The following IL20RA variants were observed in gnomAD, a reference collection of about 807,000 sequenced individuals.
The protein encoded by IL20RA is interleukin 20 receptor subunit alpha, also known as interleukin-20 receptor subunit alpha.
Under a neutral mutation model 36.5 loss-of-function variants are expected in IL20RA, and 29 were observed. The observed-to-expected ratio is 0.79, with a 90% CI of 0.59 to 1.08. The LOEUF is 1.08. IL20RA is among the 50% of genes least tolerant of loss of function. The pLI is 0.00. For missense variants in IL20RA, 652 were observed against 668.4 expected, an observed-to-expected ratio of 0.98 and a Z score of 0.27; for synonymous variants, 279 against 267.1, an observed-to-expected ratio of 1.04 and a Z score of -0.43.
chr6:137,023,069 G>T (rs1221856717), intron 1 of IL20RA, among the ~76,000 whole-genome samples: 1 of 152,194 alleles, frequency 6.6e-6, no homozygotes, highest in Non-Finnish European at 1.5e-5. Context: ...ATATCTTATG[G>T]TGAATAGACA....
chr6:137,025,121 CT>C (rs1452986608), intron 1 of IL20RA, among the ~76,000 whole-genome samples: 2 of 152,150 alleles, frequency 1.3e-5, no homozygotes, highest in Non-Finnish European at 2.9e-5. Flanking sequence ...GTTTATTTCC[CT>C]TTTATTATAT....
chr6:137,007,191 A>G lies in IL20RA; in HGVS notation c.724+1408T>C, dbSNP rs566517595. ...TGTTAGTAAAGAGAGCACTTCTCCC[A>G]AATACAAATGCGATTTCTTCAATAT... On this transcript the variant is annotated intron_variant, in intron 5 of 6. Coordinates refer to ENST00000316649, the MANE Select transcript of IL20RA (RefSeq NM_014432.4). Among the ~76,000 whole-genome samples, 4 of 152,360 alleles carry G rather than the reference A, an allele frequency of 2.6e-5. No homozygotes were observed. The East Asian group carries it at 7.7e-4, about 29-fold the overall frequency.
chr6:137,035,186 G>A (rs962021922), intron 1 of IL20RA, among the ~76,000 whole-genome samples: 1 of 152,170 alleles, frequency 6.6e-6, no homozygotes, highest in African/African-American at 2.4e-5. Flanking sequence ...TATGACTACT[G>A]ATTGAATTAA....
rs531337441 is a variant in IL20RA at position 137,028,286 on chromosome 6, C to T, written c.89-11183G>A. ...TACAAAAATTAGCTGGGCATGGTGGCGTGCCCCTGTAGTCCCAGCTACTTG... is the reference window on the plus strand; with the variant it reads ...TACAAAAATTAGCTGGGCATGGTGGTGTGCCCCTGTAGTCCCAGCTACTTG... On this transcript the variant is annotated intron_variant, in intron 1 of 6. Coordinates refer to ENST00000316649, the MANE Select transcript of IL20RA (RefSeq NM_014432.4). Among the ~76,000 whole-genome samples the T allele has an allele frequency of 7.9e-5, 12 of 152,132 alleles. No homozygotes were observed. The South Asian group carries it at 1.2e-3, about 16-fold the overall frequency.
Position 137,008,659 on chromosome 6 carries a change from C to T in IL20RA, c.664G>A (p.Val222Ile), listed in dbSNP as rs369006457. 3.0e-5 allele frequency: 48 copies of T among 1,608,316 alleles called. No individual in the cohort carries two copies. The highest frequency in any genetic ancestry group is 1.1e-4 in the East Asian group (5 of 44,668). ...TGAGCACGGCGAGGGGGCCCTGGGA[C>T]GAAGGACTCCACGTGTACGCAGTAA... Reference protein sequence around the residue: ...TLYCVHVESFVPGPPRRAQPS... With the variant: ...TLYCVHVESFIPGPPRRAQPS... The change falls in exon 5 of 7, where the codon GTC becomes ATC. Residue 222 changes from valine to isoleucine, a missense_variant. Transcript: ENST00000316649.
intron 1 of IL20RA, among the ~76,000 whole-genome samples, chr6:137,032,066 A>G (rs1386239213): frequency 6.6e-6 from 1 of 151,018 alleles, no homozygotes; most frequent in Non-Finnish European, 1.5e-5. Context: ...AAAAAAAAAA[A>G]AAAAAGAAAA....
chr6:137,037,067 T>C (rs1177058681), intron 1 of IL20RA, among the ~76,000 whole-genome samples: 1 of 152,154 alleles, frequency 6.6e-6, no homozygotes, highest in Non-Finnish European at 1.5e-5. Flanking sequence ...CAAATGTAGC[T>C]GTATGGAATG....
At chr6:137,029,792 C>T (rs1776208844) in intron 1 of IL20RA, among the ~76,000 whole-genome samples, 2 of 152,142 alleles carry the variant, frequency 1.3e-5, no homozygotes, top group Admixed American at 1.3e-4. Flanking sequence ...TAAATATCAA[C>T]ACTTTATTCC....
At chr6:137,029,995 T>C (rs1239994351) in intron 1 of IL20RA, among the ~76,000 whole-genome samples, 1 of 148,776 alleles carries the variant, frequency 6.7e-6, no homozygotes, top group Non-Finnish European at 1.5e-5. Context: ...AAAAGAGCAT[T>C]AGAGAAAGGG....
At chr6:137,032,146 A>G (rs1411698256) in intron 1 of IL20RA, among the ~76,000 whole-genome samples, 2 of 152,168 alleles carry the variant, frequency 1.3e-5, no homozygotes, top group African/African-American at 4.8e-5. Context: ...GTGGAGAGGA[A>G]AAAGATTGTT....
intron 1 of IL20RA, among the ~76,000 whole-genome samples, chr6:137,023,266 ACT>A (rs1562237355): frequency 9.2e-5 from 14 of 151,410 alleles, no homozygotes; most frequent in African/African-American, 3.1e-4. Context: ...TGTTCTAGGC[ACT>A]GAGATGGGAA....
intron 6 of IL20RA, among the ~76,000 whole-genome samples, chr6:137,003,967 C>A (rs1402794376): frequency 6.6e-6 from 1 of 152,094 alleles, no homozygotes; most frequent in Non-Finnish European, 1.5e-5. Flanking sequence ...CCAGAATTCC[C>A]AGCGCCTGCT....
intron 1 of IL20RA, among the ~76,000 whole-genome samples, chr6:137,043,174 T>A (rs1413441253): frequency 6.6e-6 from 1 of 152,208 alleles, no homozygotes; most frequent in African/African-American, 2.4e-5. Context: ...AGTGGCGTGA[T>A]CATAACTCAC....
chr6:137,017,173 A>G (rs762813615), intron 1 of IL20RA, 70 bp from the exon 2 acceptor site: 41 of 1,302,380 alleles, frequency 3.1e-5, no homozygotes, highest in Non-Finnish European at 4.2e-5. Flanking sequence ...TGTAGCAGCT[A>G]GTCTCCAGAG....
rs1582813629 is a variant in IL20RA, at chr6:137,001,549, G to A, written c.*9C>T. On this transcript the variant is annotated 3_prime_UTR_variant, in exon 7 of 7. Transcript: ENST00000316649. ...CACAGGAAACAAAAGGCAAAAGGAAGTGTTGGCATCAGTTTTCCATCTGCA... is the reference window on the plus strand; with the variant it reads ...CACAGGAAACAAAAGGCAAAAGGAAATGTTGGCATCAGTTTTCCATCTGCA... The A allele has an allele frequency of 1.3e-6, 2 of 1,525,012 alleles. No homozygotes were observed. Among genetic ancestry groups the A allele is most frequent in the South Asian group, 2.6e-5 (2 of 77,110 alleles). 94.5% of individuals were successfully genotyped at this position (1,525,012 alleles called of 1,614,324 possible).
At chr6:137,021,397 T>G (rs923606377) in intron 1 of IL20RA, among the ~76,000 whole-genome samples, 1 of 151,650 alleles carries the variant, frequency 6.6e-6, no homozygotes, top group African/African-American at 2.4e-5. Flanking sequence ...AGGCGTGGTA[T>G]CTCACACCTG....
chr6:137,020,276 G>A (rs1399676757), intron 1 of IL20RA, among the ~76,000 whole-genome samples: 1 of 152,160 alleles, frequency 6.6e-6, no homozygotes, highest in Non-Finnish European at 1.5e-5. Context: ...GATGACTGCA[G>A]CCCCAGCTTG....
intron 1 of IL20RA, among the ~76,000 whole-genome samples, chr6:137,025,471 C>T (rs1776053630): frequency 6.6e-6 from 1 of 152,206 alleles, no homozygotes; most frequent in Non-Finnish European, 1.5e-5. Flanking sequence ...TTCACTCAAT[C>T]TATCACATTC....
At chr6:137,004,551 A>G in intron 6 of IL20RA, 70 bp downstream of exon 6, 1 of 1,396,882 alleles carries the variant, frequency 7.2e-7, no homozygotes, top group Non-Finnish European at 1.0e-6. Context: ...AATCTGTTCT[A>G]GAACCTCCTC....
Sources: gnomAD v4.1 joint callset for allele counts (sites outside exome capture counted in the v4.1 genomes callset) on GRCh38, gnomAD v4.1.1 for gene constraint, MANE v1.5 for transcripts, NCBI Gene and HGNC (gene_info 2026-07-23, HGNC 2026-07-21) for gene names.